Variants in ABLIM1 observed in about 807,000 individuals in gnomAD.
ABLIM1 encodes the protein actin binding LIM protein 1, also known as actin-binding LIM protein 1.
Under a neutral mutation model 107.0 loss-of-function variants are expected in ABLIM1, and 40 were observed. That is an observed-to-expected ratio of 0.37 (90% CI 0.29 to 0.49). ABLIM1 has a LOEUF of 0.49. Ranked by LOEUF, ABLIM1 falls within the 20% of genes least tolerant of loss-of-function variation. ABLIM1 has a pLI of 0.97. For missense variants in ABLIM1, 857 were observed against 1,008.5 expected (o/e 0.85, Z 2.04); for synonymous variants, 357 against 357.3 (o/e 1.00, Z 0.01).
chr10:114,454,726 T>C (rs1027887558), intron 12 of ABLIM1, among the ~76,000 whole-genome samples: 2 of 152,208 alleles, frequency 1.3e-5, no homozygotes, highest in African/African-American at 4.8e-5. Context: ...CCTCCTACCC[T>C]ATGTCTGGGC....
chr10:114,691,429 T>A (rs944385432), intron 1 of ABLIM1, among the ~76,000 whole-genome samples: 1 of 152,224 alleles, frequency 6.6e-6, no homozygotes, highest in African/African-American at 2.4e-5. Flanking sequence ...TGATGGACTT[T>A]CTATGTCTCT....
In ABLIM1 at chr10:114,565,788, C is replaced by CTTTTTTTT. The variant is rs577896964; in HGVS notation, c.673+5501_673+5508dup. On this transcript the variant is annotated intron_variant, in intron 4 of 22. Transcript: ENST00000533213. ...CGCGATGCTTTATCTGAAATGATTT[C>CTTTTTTTT]TTTTTTTTTTTTTTTTTTTTTTTTG... Among the ~76,000 whole-genome samples the CTTTTTTTT allele has an allele frequency of 2.4e-3, 245 of 101,070 alleles. 22 individuals carry two copies. Among genetic ancestry groups the CTTTTTTTT allele is most frequent in the Middle Eastern group, 6.8e-3 (1 of 148 alleles). The allele number at this position is 101,070 out of a possible 152,430, so 66.3% of individuals were successfully genotyped here.
At chr10:114,648,512 C>T (rs564385886) in intron 1 of ABLIM1, among the ~76,000 whole-genome samples, 2 of 152,240 alleles carry the variant, frequency 1.3e-5, no homozygotes, top group African/African-American at 4.8e-5. Context: ...TAAGTCGTTG[C>T]CAGCAGCTGA....
intron 14 of ABLIM1, among the ~76,000 whole-genome samples, 176 bp from the exon 15 acceptor site, chr10:114,448,196 C>A (rs772315332): frequency 6.6e-5 from 10 of 152,234 alleles, no homozygotes; most frequent in Non-Finnish European, 1.0e-4. Flanking sequence ...CAAGTCAACT[C>A]ATTTTCCTTA....
chr10:114,515,004 C>T (rs1249287851), intron 6 of ABLIM1, among the ~76,000 whole-genome samples: 1 of 152,204 alleles, frequency 6.6e-6, no homozygotes, highest in African/African-American at 2.4e-5. Context: ...TCTAACACAA[C>T]TTCTGAGGAG....
intron 1 of ABLIM1, among the ~76,000 whole-genome samples, chr10:114,664,026 T>G (rs1051817929): frequency 6.6e-6 from 1 of 152,258 alleles, no homozygotes; most frequent in Non-Finnish European, 1.5e-5. Context: ...TCATGTTCAC[T>G]GTCAATTTAC....
At chr10:114,568,095 C>G (rs1426367759) in intron 4 of ABLIM1, among the ~76,000 whole-genome samples, 1 of 146,330 alleles carries the variant, frequency 6.8e-6, no homozygotes, top group Non-Finnish European at 1.5e-5. Flanking sequence ...GAGGCTGAGG[C>G]AGGAGAATGG....
chr10:114,450,562 T>C (rs1340811354), intron 14 of ABLIM1, among the ~76,000 whole-genome samples: 1 of 150,392 alleles, frequency 6.6e-6, no homozygotes, highest in Non-Finnish European at 1.5e-5. Context: ...CAGCCTCCCA[T>C]GTGGCTGAGA....
chr10:114,570,803 T>C (rs2071562747), intron 4 of ABLIM1, among the ~76,000 whole-genome samples: 1 of 151,844 alleles, frequency 6.6e-6, no homozygotes, highest in Non-Finnish European at 1.5e-5. Flanking sequence ...GAGACGGGAT[T>C]TTGTCATGTT....
the ABLIM1 span, among the ~76,000 whole-genome samples, chr10:114,791,137 AT>A: frequency 6.6e-6 from 1 of 152,006 alleles, no homozygotes; most frequent in Non-Finnish European, 1.5e-5. Flanking sequence ...TACTGGAGCG[AT>A]CATAGCGATC....
rs117066064 is a variant in ABLIM1, at chr10:114,732,154, T to C, written c.-213+35907A>G. ...GTGAAGTGATATCTTTTGGGTTTGA[T>C]TTGCATTTTTCTTTTCTTTTCTTTT... On this transcript the variant is annotated intron_variant, in intron 1 of 15. Transcript: ENST00000651092. Among the ~76,000 whole-genome samples, 145 of 151,546 alleles carry C rather than the reference T, an allele frequency of 9.6e-4. 3 individuals are homozygous for C. The East Asian group carries it at 0.025, about 26-fold the overall frequency.
intron 1 of ABLIM1, among the ~76,000 whole-genome samples, chr10:114,738,048 A>G (rs188078869): frequency 0.025 from 3,768 of 151,818 alleles, 74 homozygotes; most frequent in Middle Eastern, 0.051. Flanking sequence ...ATAAATTATT[A>G]TTATTATTAT....
At chr10:114,661,105 C>T (rs988549064), upstream of ABLIM1, among the ~76,000 whole-genome samples, 10 of 151,716 alleles carry the variant, frequency 6.6e-5, no homozygotes, top group Non-Finnish European at 1.0e-4. Flanking sequence ...TAAGAGACTG[C>T]GAAAAGGAAA....
At chr10:114,440,027 G>C in intron 20 of ABLIM1, 55 bp downstream of exon 20, 1 of 1,613,368 alleles carries the variant, frequency 6.2e-7, no homozygotes, top group Non-Finnish European at 8.5e-7. Flanking sequence ...GTCTGGGTTG[G>C]AACATGGCTG....
At chr10:114,720,401 G>A (rs543300856) in intron 1 of ABLIM1, among the ~76,000 whole-genome samples, 5 of 152,298 alleles carry the variant, frequency 3.3e-5, no homozygotes, top group African/African-American at 1.2e-4. Context: ...TAATGGGATT[G>A]TTGAGTCAAA....
At chr10:114,470,098 A>C (rs1253668519) in intron 10 of ABLIM1, among the ~76,000 whole-genome samples, 2 of 152,158 alleles carry the variant, frequency 1.3e-5, no homozygotes, top group African/African-American at 4.8e-5. Flanking sequence ...GCACAGAACT[A>C]ATCTGACTCT....
chr10:114,522,578 A>G (rs2063911954), intron 6 of ABLIM1, among the ~76,000 whole-genome samples: 1 of 152,236 alleles, frequency 6.6e-6, no homozygotes, highest in Non-Finnish European at 1.5e-5. Context: ...ATTACTATTC[A>G]GCAGTAAGGA....
intron 2 of ABLIM1, among the ~76,000 whole-genome samples, chr10:114,591,480 T>C (rs1018613135): frequency 1.3e-5 from 2 of 152,190 alleles, no homozygotes; most frequent in Non-Finnish European, 2.9e-5. Flanking sequence ...TTTGATACCA[T>C]TGTCTGATAA....
At chr10:114,799,711 A>G in the ABLIM1 span, among the ~76,000 whole-genome samples, 1 of 152,106 alleles carries the variant, frequency 6.6e-6, no homozygotes, top group Non-Finnish European at 1.5e-5. Context: ...TGAGCCCCCT[A>G]TCTGGACTCC....
Sources: allele counts gnomAD v4.1 joint callset (sites outside exome capture counted in the v4.1 genomes callset), GRCh38; gene constraint gnomAD v4.1.1; transcripts MANE v1.5; gene names NCBI Gene and HGNC (gene_info 2026-07-23, HGNC 2026-07-21).